Variants in IL1RAPL2 observed in about 807,000 individuals in gnomAD.
The protein encoded by IL1RAPL2 is interleukin 1 receptor accessory protein like 2, also known as X-linked interleukin-1 receptor accessory protein-like 2.
A neutral mutation model predicts 44.1 loss-of-function variants in IL1RAPL2; 3 were observed. The ratio of observed to expected loss-of-function variants is 0.07; its 90% CI spans 0.03 to 0.18. The LOEUF (loss-of-function observed/expected upper bound fraction) is 0.18. Among genes scored for constraint, IL1RAPL2 ranks in the 10% least tolerant of loss-of-function variants. The pLI is 1.00. For missense variants in IL1RAPL2, 391 were observed against 496.4 expected, an observed-to-expected ratio of 0.79 and a Z score of 2.02; for synonymous variants, 181 against 178.8, an observed-to-expected ratio of 1.01 and a Z score of -0.10.
At chrX:104,582,822 C>CTTTCTTTCTCTTTCTT (rs748809592) in intron 1 of IL1RAPL2, among the ~76,000 whole-genome samples, 11 of 40,661 alleles carry the variant, frequency 2.7e-4, no homozygotes, top group Non-Finnish European at 4.6e-4. Flanking sequence ...TCCTTTCTTT[C>CTTTCTTTCTCTTTCTT]TCTTTCTTTC....
intron 6 of IL1RAPL2, among the ~76,000 whole-genome samples, chrX:105,579,850 A>G (rs771727758): frequency 8.9e-6 from 1 of 111,732 alleles, no homozygotes; most frequent in Non-Finnish European, 1.9e-5. Context: ...ACAAAATGTT[A>G]GACTCCCTTT....
Position 104,917,547 on chromosome X carries a change from T to C in IL1RAPL2, c.82+258552T>C, listed in dbSNP as rs771880723. Reference sequence around the variant, plus strand: ...GTTCTAAAGGGAGGGCTTTGCCAAATAAAGTCACTAACATGCAGGAATGGA... The same window carrying C: ...GTTCTAAAGGGAGGGCTTTGCCAAACAAAGTCACTAACATGCAGGAATGGA... On this transcript the variant is annotated intron_variant, in intron 2 of 10. Transcript: ENST00000372582. Among the ~76,000 whole-genome samples the C allele has an allele frequency of 5.4e-5, 6 of 111,525 alleles. No individual in the cohort carries two copies. In the East Asian group the frequency reaches 1.7e-3, roughly 32 times the overall value.
intron 6 of IL1RAPL2, among the ~76,000 whole-genome samples, chrX:105,640,654 G>GTGTATA (rs1446182577): frequency 5.0e-5 from 3 of 59,488 alleles, no homozygotes; most frequent in East Asian, 6.1e-4. Flanking sequence ...GTATGTGTGT[G>GTGTATA]TATATATATA....
chrX:105,571,085 A>G (rs2037011625), intron 6 of IL1RAPL2, among the ~76,000 whole-genome samples: 1 of 111,724 alleles, frequency 9.0e-6, no homozygotes, highest in Non-Finnish European at 1.9e-5. Flanking sequence ...AGAAAAGCCT[A>G]TAGAACCTTA....
intron 2 of IL1RAPL2, among the ~76,000 whole-genome samples, chrX:104,785,722 C>T (rs1932794841): frequency 8.9e-6 from 1 of 112,301 alleles, no homozygotes; most frequent in Non-Finnish European, 1.9e-5. Context: ...TGCTATATAG[C>T]ACTGACCTCT....
At chrX:104,845,722 G>A (rs1323359893) in intron 2 of IL1RAPL2, among the ~76,000 whole-genome samples, 2 of 111,701 alleles carry the variant, frequency 1.8e-5, no homozygotes, top group Non-Finnish European at 3.8e-5. Flanking sequence ...GACTCTATTT[G>A]TCATGGTTTT....
At chrX:105,711,393 A>ACT (rs1306558478) in intron 6 of IL1RAPL2, among the ~76,000 whole-genome samples, 3 of 109,358 alleles carry the variant, frequency 2.7e-5, no homozygotes, top group East Asian at 2.9e-4. Context: ...CTAGGAGTCC[A>ACT]CTCTCTCTCT....
At chrX:104,833,447 G>A (rs745978326) in intron 2 of IL1RAPL2, among the ~76,000 whole-genome samples, 1 of 111,889 alleles carries the variant, frequency 8.9e-6, no homozygotes, top group Non-Finnish European at 1.9e-5. Context: ...TTATGAAATT[G>A]CTTAACTGTA....
rs150492030 is a variant in IL1RAPL2 at position 104,734,630 on chromosome X, A to C, written c.82+75635A>C. On this transcript the variant is annotated intron_variant, in intron 2 of 10. Transcript: ENST00000372582. ...GACAGAGTGGTTGCTAGGGTTTAGG[A>C]GTAGAGGGAGAGTGTGACTACAAAG... 2.2e-3 allele frequency among the ~76,000 whole-genome samples: 248 copies of C among 111,557 alleles called. 1 individual carries two copies. The highest frequency in any genetic ancestry group is 7.5e-3 in the African/African-American group (232 of 30,779).
chrX:104,600,009 A>G (rs1360187521), intron 1 of IL1RAPL2, among the ~76,000 whole-genome samples: 1 of 111,758 alleles, frequency 8.9e-6, no homozygotes, highest in Non-Finnish European at 1.9e-5. Flanking sequence ...GGGAATAAAA[A>G]TGCAACCAAA....
rs569398232 is a variant in IL1RAPL2, at chrX:105,711,104, G to A, written c.773-6263G>A. 1.3e-4 allele frequency among the ~76,000 whole-genome samples: 14 copies of A among 109,535 alleles called. 2 individuals are homozygous for A. The South Asian group carries it at 5.6e-3, about 44-fold the overall frequency. ...AGTGAAGCTACACCCGGGGATCACT[G>A]GCTTTCAGCTTTTTCCTTCTTAACA... On this transcript the variant is annotated intron_variant, in intron 6 of 10. Coordinates refer to ENST00000372582, the MANE Select transcript of IL1RAPL2 (RefSeq NM_017416.2).
At chrX:105,403,742 T>C (rs1280539518) in intron 5 of IL1RAPL2, among the ~76,000 whole-genome samples, 1 of 111,365 alleles carries the variant, frequency 9.0e-6, no homozygotes, top group African/African-American at 3.3e-5. Context: ...AAGGCTCACA[T>C]GTGATAAGGT....
chrX:105,584,134 G>T (rs2037109829), intron 6 of IL1RAPL2, among the ~76,000 whole-genome samples: 1 of 109,820 alleles, frequency 9.1e-6, no homozygotes, highest in African/African-American at 3.5e-5. Context: ...TGAATACGTT[G>T]TTCAAGTCTT....
chrX:105,028,138 C>T (rs188762857), intron 2 of IL1RAPL2, among the ~76,000 whole-genome samples: 1 of 110,975 alleles, frequency 9.0e-6, no homozygotes, highest in African/African-American at 3.3e-5. Context: ...CAACTGAACT[C>T]ATGGACATAG....
chrX:105,168,137 T>C (rs2033387292), intron 2 of IL1RAPL2, among the ~76,000 whole-genome samples: 1 of 112,015 alleles, frequency 8.9e-6, no homozygotes, highest in African/African-American at 3.3e-5. Context: ...TGCCAACACA[T>C]TGATCCATCA....
intron 2 of IL1RAPL2, among the ~76,000 whole-genome samples, chrX:105,073,299 G>C (rs1336158663): frequency 1.0e-5 from 1 of 95,807 alleles, no homozygotes; most frequent in Non-Finnish European, 2.1e-5. Context: ...GCGGTGTTTG[G>C]TTTTTTGTCC....
intron 5 of IL1RAPL2, among the ~76,000 whole-genome samples, chrX:105,276,158 CACTTTGGGAG>C (rs1159185280): frequency 1.8e-5 from 2 of 112,574 alleles, no homozygotes; most frequent in African/African-American, 6.5e-5. Flanking sequence ...GTAATCCCAC[CACTTTGGGAG>C]ACCGGGATGG....
At chrX:105,574,875 G>A (rs2037039754) in intron 6 of IL1RAPL2, among the ~76,000 whole-genome samples, 1 of 111,222 alleles carries the variant, frequency 9.0e-6, no homozygotes, top group African/African-American at 3.3e-5. Flanking sequence ...GTGGGAAAAA[G>A]CAGCATTCTA....
chrX:105,414,897 T>C (rs780415718), intron 5 of IL1RAPL2, among the ~76,000 whole-genome samples: 7 of 112,317 alleles, frequency 6.2e-5, no homozygotes, highest in Non-Finnish European at 1.3e-4. Flanking sequence ...TCAGTAAATA[T>C]TAAATTAATG....
Sources: allele counts gnomAD v4.1 joint callset (sites outside exome capture counted in the v4.1 genomes callset), GRCh38; gene constraint gnomAD v4.1.1; transcripts MANE v1.5; gene names NCBI Gene and HGNC (gene_info 2026-07-23, HGNC 2026-07-21).